Variants in ANK2 observed in about 807,000 individuals in gnomAD.
ANK2 encodes ankyrin-2.
ANK2 carries 83 observed loss-of-function variants against 360.5 expected under a neutral mutation model. The observed-to-expected ratio is 0.23, with a 90% CI of 0.19 to 0.28. The LOEUF is 0.28. Ranked by LOEUF, ANK2 falls within the 10% of genes least tolerant of loss-of-function variation. ANK2 has a pLI of 1.00. For synonymous variants in ANK2, 1,740 were observed against 1,759.5 expected (o/e 0.99, Z 0.28); for missense variants, 4,201 against 4,795.7 (o/e 0.88, Z 3.66).
At chr4:112,986,358 A>T (rs1271873587) in intron 2 of ANK2, among the ~76,000 whole-genome samples, 4 of 152,232 alleles carry the variant, frequency 2.6e-5, no homozygotes, top group Non-Finnish European at 5.9e-5. Context: ...ACAATGCTAG[A>T]TTTATATGAA....
chr4:113,168,771 T>G (rs150637625), intron 1 of ANK2, among the ~76,000 whole-genome samples: 1 of 152,302 alleles, frequency 6.6e-6, no homozygotes, highest in East Asian at 1.9e-4. Flanking sequence ...CCCAAATTGT[T>G]GGTTTCGACA....
At chr4:112,952,486 A>G (rs1403168177) in intron 2 of ANK2, among the ~76,000 whole-genome samples, 1 of 152,196 alleles carries the variant, frequency 6.6e-6, no homozygotes, top group Non-Finnish European at 1.5e-5. Flanking sequence ...GTTCTGGGGA[A>G]GCTGCAGAGC....
the ANK2 span, among the ~76,000 whole-genome samples, chr4:112,753,852 C>A: frequency 6.6e-6 from 1 of 152,066 alleles, no homozygotes; most frequent in African/African-American, 2.4e-5. Context: ...AATCCCAGCA[C>A]TTTGGGAGGC....
Position 113,007,834 on chromosome 4 carries a change from GACTGCAA to G in ANK2, c.21+103324_21+103330del, listed in dbSNP as rs562774672. On this transcript the variant is annotated intron_variant, in intron 2 of 30. Coordinates refer to the ANK2 transcript ENST00000503271. ...CTTAACAAAAGCTAGTATTGGAGTG[GACTGCAA>G]ACTCAATATGAAACCATATTGTATT... Among the ~76,000 whole-genome samples, 376 of 152,202 alleles carry G rather than the reference GACTGCAA, an allele frequency of 2.5e-3. 2 individuals are homozygous for G. The highest frequency in any genetic ancestry group is 4.2e-3 in the Non-Finnish European group (283 of 67,998).
At chr4:113,213,462 G>A (rs1241673081) in intron 4 of ANK2, among the ~76,000 whole-genome samples, 1 of 152,166 alleles carries the variant, frequency 6.6e-6, no homozygotes, top group East Asian at 1.9e-4. Flanking sequence ...CAAATACTAT[G>A]TGGGCAGCTG....
chr4:113,161,070 A>T lies in ANK2; in HGVS notation c.85-13346A>T, dbSNP rs898984718. On this transcript the variant is annotated intron_variant, in intron 1 of 45. Transcript: ENST00000357077. The stretch of plus-strand genomic sequence containing the variant: ...TTTCTTTTAAAAGAAGATCTTGGGC[A>T]TCTGGGCTAAAGTTTAGTTCCATGA... Among the ~76,000 whole-genome samples the T allele has an allele frequency of 3.2e-4, 49 of 152,214 alleles. 2 individuals carry two copies. Among genetic ancestry groups the T allele is most frequent in the Non-Finnish European group, 1.3e-4 (9 of 68,024 alleles).
chr4:113,043,973 T>A lies in ANK2; in HGVS notation c.22-130443T>A, dbSNP rs574741952. Among the ~76,000 whole-genome samples the A allele has an allele frequency of 3.1e-4, 47 of 152,278 alleles. No homozygotes were observed. In the South Asian group the frequency reaches 9.7e-3, roughly 32 times the overall value. On this transcript the variant is annotated intron_variant, in intron 2 of 30. Transcript: ENST00000503271. Reference sequence around the variant, plus strand: ...TCATCTCTTCTGATCTCCCTGTAATTCCTTTTGGTTCCCTTTCTTACCAGA... The same window carrying A: ...TCATCTCTTCTGATCTCCCTGTAATACCTTTTGGTTCCCTTTCTTACCAGA...
At chr4:113,053,805 C>G (rs1158295053) in intron 1 of ANK2, among the ~76,000 whole-genome samples, 2 of 152,046 alleles carry the variant, frequency 1.3e-5, no homozygotes, top group African/African-American at 4.8e-5. Context: ...CCTAAGGAAC[C>G]CAGGCTGGTC....
chr4:112,781,841 T>G, the ANK2 span, among the ~76,000 whole-genome samples: 1 of 149,464 alleles, frequency 6.7e-6, no homozygotes, highest in Non-Finnish European at 1.5e-5. Context: ...TTTTTTTTTT[T>G]TTTTTTGAGA....
the ANK2 span, among the ~76,000 whole-genome samples, chr4:112,811,554 TC>T: frequency 1.3e-5 from 2 of 151,920 alleles, no homozygotes; most frequent in African/African-American, 4.8e-5. Flanking sequence ...AGTTACGATT[TC>T]CCCCCCTTGA....
chr4:112,913,647 C>T (rs1315346135), intron 2 of ANK2, among the ~76,000 whole-genome samples: 2 of 152,068 alleles, frequency 1.3e-5, no homozygotes, highest in Admixed American at 1.3e-4. Context: ...CCTCTCTTTC[C>T]CTCATTTGTA....
chr4:112,919,097 G>A (rs2090761469), intron 2 of ANK2, among the ~76,000 whole-genome samples: 1 of 152,186 alleles, frequency 6.6e-6, no homozygotes, highest in South Asian at 2.1e-4. Context: ...TCTCAGCTTA[G>A]AAGAAATCTC....
intron 2 of ANK2, among the ~76,000 whole-genome samples, chr4:112,989,049 A>G (rs938067299): frequency 1.3e-5 from 2 of 152,196 alleles, no homozygotes; most frequent in Non-Finnish European, 2.9e-5. Context: ...TCTTCTTGAA[A>G]CAGATAAAAA....
At chr4:113,194,253 C>T (rs2098715896) in intron 2 of ANK2, among the ~76,000 whole-genome samples, 1 of 152,176 alleles carries the variant, frequency 6.6e-6, no homozygotes, top group South Asian at 2.1e-4. Context: ...ATTTAACCTT[C>T]ATGTAAGTTT....
intron 4 of ANK2, among the ~76,000 whole-genome samples, chr4:113,207,435 G>A (rs901925043): frequency 1.3e-5 from 2 of 152,072 alleles, no homozygotes; most frequent in African/African-American, 4.8e-5. Context: ...AGGGAGAAAA[G>A]TAAATGGTCT....
At chr4:113,137,595 GAT>G (rs2096484856) in intron 1 of ANK2, among the ~76,000 whole-genome samples, 1 of 152,120 alleles carries the variant, frequency 6.6e-6, no homozygotes, top group Admixed American at 6.5e-5. Flanking sequence ...AATTTTTAGA[GAT>G]ATATCTGCAT....
intron 24 of ANK2, among the ~76,000 whole-genome samples, chr4:113,316,478 C>G (rs1325063442): frequency 1.3e-5 from 2 of 152,198 alleles, no homozygotes; most frequent in Non-Finnish European, 2.9e-5. Flanking sequence ...ATTAAATATA[C>G]TTGCAAAATG....
chr4:113,024,727 A>T (rs1332808183), intron 2 of ANK2, among the ~76,000 whole-genome samples: 1 of 152,136 alleles, frequency 6.6e-6, no homozygotes, highest in East Asian at 1.9e-4. Flanking sequence ...AGAGCATACA[A>T]TGAATGCTAT....
At chr4:112,788,369 G>A in the ANK2 span, 99 of 1,555,590 alleles carry the variant, frequency 6.4e-5, no homozygotes, top group African/African-American at 1.2e-3. Flanking sequence ...ACGACATAGG[G>A]CAGGCAAGAA....
Sources: allele counts gnomAD v4.1 joint callset (sites outside exome capture counted in the v4.1 genomes callset), GRCh38; gene constraint gnomAD v4.1.1; transcripts MANE v1.5; gene names NCBI Gene and HGNC (gene_info 2026-07-23, HGNC 2026-07-21).